Variants in MYO9A observed in about 807,000 individuals in gnomAD.
MYO9A encodes the protein unconventional myosin-IXa.
MYO9A carries 103 observed loss-of-function variants against 293.3 expected under a neutral mutation model. The ratio of observed to expected loss-of-function variants is 0.35; its 90% CI spans 0.30 to 0.41. The LOEUF (loss-of-function observed/expected upper bound fraction) is 0.41, where lower values mean the gene tolerates loss of function less well. MYO9A is among the 10% of genes least tolerant of loss of function. The pLI is 1.00. For missense variants in MYO9A, 2,685 were observed against 3,033.0 expected (o/e 0.89, Z 2.69); for synonymous variants, 1,001 against 1,035.7 (o/e 0.97, Z 0.64).
chr15:71,935,536 C>T, intron 16 of MYO9A, 52 bp from the exon 17 acceptor site: 1 of 1,495,682 alleles, frequency 6.7e-7, no homozygotes. Flanking sequence ...TAACACTATA[C>T]TGCTTAAATA....
In MYO9A at chr15:72,077,012, T is replaced by C. The variant is rs569172960; in HGVS notation, c.-71-30378A>G. On this transcript the variant is annotated intron_variant, in intron 1 of 41. Coordinates refer to ENST00000356056, the MANE Select transcript of MYO9A (RefSeq NM_006901.4). ...TTTCAACAAATGGTGCTGGAAAAACTAGACAACTACATCCAAAAAAAAAAA... is the reference window on the plus strand; with the variant it reads ...TTTCAACAAATGGTGCTGGAAAAACCAGACAACTACATCCAAAAAAAAAAA... Among the ~76,000 whole-genome samples the C allele has an allele frequency of 9.2e-5, 12 of 130,530 alleles. No individual in the cohort carries two copies. In the East Asian group the frequency reaches 2.5e-3, roughly 27 times the overall value. The allele number at this position is 130,530 out of a possible 152,430, so 85.6% of individuals were successfully genotyped here. A position where few individuals can be genotyped will look rare whatever the true frequency, so the allele number is the denominator to read the frequency against.
chr15:71,910,166 G>GTATATATA (rs2057801040), intron 19 of MYO9A, among the ~76,000 whole-genome samples: 1 of 7,022 alleles, frequency 1.4e-4, no homozygotes, highest in Non-Finnish European at 8.1e-4. Flanking sequence ...ATATATATAC[G>GTATATATA]TGTATATATA....
At chr15:72,071,314 T>G (rs2079182415) in intron 1 of MYO9A, among the ~76,000 whole-genome samples, 1 of 151,918 alleles carries the variant, frequency 6.6e-6, no homozygotes, top group Non-Finnish European at 1.5e-5. Context: ...TCACTAATCA[T>G]CAGGGAAATG....
intron 18 of MYO9A, among the ~76,000 whole-genome samples, chr15:71,927,710 G>T (rs572222823): frequency 6.6e-6 from 1 of 151,786 alleles, no homozygotes; most frequent in Admixed American, 6.6e-5. Context: ...TGTATAAGCG[G>T]ACCTGCACAG....
intron 32 of MYO9A, among the ~76,000 whole-genome samples, chr15:71,871,246 G>A (rs2056502484): frequency 6.6e-6 from 1 of 151,714 alleles, no homozygotes; most frequent in Non-Finnish European, 1.5e-5. Context: ...CATGATAGGT[G>A]TGCGTGTGGT....
At position 71,897,787 on chromosome 15, in the gene MYO9A, A is replaced by C; in HGVS notation, c.4716T>G (p.Asn1572Lys). ...CTTTTAATGATAGGGACCCCAGTACATTAAGTTCTCCCTTATTTGAGGTAT... is the reference window on the plus strand; with the variant it reads ...CTTTTAATGATAGGGACCCCAGTACCTTAAGTTCTCCCTTATTTGAGGTAT... The part of the protein sequence containing the change: ...SLNTSNKGEL[N>K]VLGSLSLKDA... The change falls in exon 25 of 42, where the codon AAT (asparagine) becomes AAG (lysine). Residue 1572 changes from asparagine (N) to lysine (K), a missense_variant. This residue lies in a region of MYO9A where 1,434 missense variants were observed against 1,497.7 expected (regional missense o/e 0.96). Coordinates refer to ENST00000356056, the MANE Select transcript of MYO9A (RefSeq NM_006901.4). 1.2e-6 allele frequency: 2 copies of C among 1,614,090 alleles called. No individual in the cohort carries two copies. The highest frequency in any genetic ancestry group is 1.7e-6 in the Non-Finnish European group (2 of 1,180,010).
chr15:72,081,299 A>G (rs12439900), intron 1 of MYO9A, among the ~76,000 whole-genome samples: 32,976 of 152,060 alleles, frequency 0.22, 3,822 homozygotes, highest in East Asian at 0.41. Flanking sequence ...TCTGATTCAC[A>G]TTTCTCTAAT....
intron 6 of MYO9A, 76 bp from the exon 7 acceptor site, chr15:72,010,523 A>G (rs1377188155): frequency 7.0e-6 from 9 of 1,283,978 alleles, no homozygotes; most frequent in Admixed American, 2.0e-5. Context: ...GAAATATGGT[A>G]ATTTAGGATA....
chr15:71,935,612 G>C, intron 16 of MYO9A, 128 bp from the exon 17 acceptor site: 1 of 861,230 alleles, frequency 1.2e-6, no homozygotes, highest in Non-Finnish European at 1.7e-6. Flanking sequence ...ACCAAAAACT[G>C]ATTTCATCCA....
Position 72,009,334 on chromosome 15 carries a change from A to G in MYO9A, c.1253+1016T>C, listed in dbSNP as rs183789869. 3.9e-3 allele frequency among the ~76,000 whole-genome samples: 601 copies of G among 152,318 alleles called. 4 individuals are homozygous for G. The highest frequency in any genetic ancestry group is 6.0e-3 in the Non-Finnish European group (408 of 68,030). On this transcript the variant is annotated intron_variant, in intron 7 of 41. Transcript: ENST00000356056. The stretch of plus-strand genomic sequence containing the variant: ...TTCTAGTAAATAGCCTGCTAATTAA[A>G]GAGTCATACCAATGATGTAAGTGCA...
At chr15:71,909,943 G>T (rs1057408886) in intron 19 of MYO9A, among the ~76,000 whole-genome samples, 1 of 151,574 alleles carries the variant, frequency 6.6e-6, no homozygotes, top group African/African-American at 2.4e-5. Flanking sequence ...AGTCCAGCCA[G>T]GGCAACATTT....
chr15:72,107,688 G>A (rs1194856244), intron 1 of MYO9A, among the ~76,000 whole-genome samples: 5 of 151,682 alleles, frequency 3.3e-5, no homozygotes, highest in African/African-American at 4.8e-5. Context: ...CCAAGATATC[G>A]TGTACCCAAA....
At chr15:71,909,702 T>A (rs1456400659) in intron 19 of MYO9A, among the ~76,000 whole-genome samples, 1 of 152,150 alleles carries the variant, frequency 6.6e-6, no homozygotes, top group Non-Finnish European at 1.5e-5. Context: ...TACTTAAGAG[T>A]CGATATTTCA....
chr15:72,109,715 CCT>C (rs1381307069), intron 1 of MYO9A, among the ~76,000 whole-genome samples: 1 of 151,812 alleles, frequency 6.6e-6, no homozygotes, highest in Non-Finnish European at 1.5e-5. Context: ...ATGGTGAAAC[CCT>C]GTCTCTATTA....
At chr15:71,935,774 T>A (rs1261904818) in intron 16 of MYO9A, among the ~76,000 whole-genome samples, 2 of 152,110 alleles carry the variant, frequency 1.3e-5, no homozygotes, top group African/African-American at 4.8e-5. Flanking sequence ...TAGTAACTAA[T>A]AAAATGGATT....
chr15:71,989,063 T>C (rs2076474358), intron 11 of MYO9A, among the ~76,000 whole-genome samples: 1 of 151,988 alleles, frequency 6.6e-6, no homozygotes, highest in African/African-American at 2.4e-5. Flanking sequence ...CACGGCTAAT[T>C]TTTGTATTTT....
At chr15:71,971,372 C>T (rs2076006692) in intron 12 of MYO9A, among the ~76,000 whole-genome samples, 1 of 151,668 alleles carries the variant, frequency 6.6e-6, no homozygotes, top group African/African-American at 2.4e-5. Flanking sequence ...ACAGCTTGAG[C>T]CCAGGAGTTT....
chr15:71,899,067 ATCTT>A, intron 24 of MYO9A, 35 bp from the exon 25 acceptor site: 1 of 1,480,214 alleles, frequency 6.8e-7, no homozygotes, highest in African/African-American at 1.4e-5. Context: ...TTATAGAAAT[ATCTT>A]AGTTACCACT....
At chr15:71,961,524 A>G (rs1490899448) in intron 13 of MYO9A, among the ~76,000 whole-genome samples, 1 of 152,078 alleles carries the variant, frequency 6.6e-6, no homozygotes, top group Non-Finnish European at 1.5e-5. Context: ...CTCATTTAAT[A>G]CTCCTAATAA....
Sources: gnomAD v4.1 joint callset for allele counts (sites outside exome capture counted in the v4.1 genomes callset) on GRCh38, gnomAD v4.1.1 for gene constraint, gnomAD v4.1.1 regional missense constraint, MANE v1.5 for transcripts, NCBI Gene and HGNC (gene_info 2026-07-23, HGNC 2026-07-21) for gene names.